PCCA: variants seen among roughly 807,000 people sequenced by gnomAD.
The protein encoded by PCCA is propionyl-CoA carboxylase subunit alpha, also known as propionyl-CoA carboxylase alpha chain, mitochondrial.
A neutral mutation model predicts 101.3 loss-of-function variants in PCCA; 74 were observed. The ratio of observed to expected loss-of-function variants is 0.73; its 90% CI spans 0.61 to 0.89. PCCA has a LOEUF of 0.89. Among genes scored for constraint, PCCA ranks in the 40% least tolerant of loss-of-function variants. The pLI, the probability that PCCA is intolerant of heterozygous loss-of-function variation, is 0.00. For missense variants in PCCA, 891 were observed against 907.0 expected (o/e 0.98, Z 0.23); for synonymous variants, 294 against 313.6 (o/e 0.94, Z 0.66).
In PCCA at chr13:100,273,227, A is replaced by T. The variant is rs200311920; in HGVS notation, c.946A>T (p.Met316Leu). 38 of 1,612,962 alleles carry T rather than the reference A, an allele frequency of 2.4e-5. No homozygotes were observed. The highest frequency in any genetic ancestry group is 3.1e-5 in the Non-Finnish European group (36 of 1,179,088). ...TTTGGATGCGGAGACTCGAAGAGCG[A>T]TGGGAGAACAAGCTGTAGCTCTTGC... is the stretch of plus-strand genomic sequence containing the variant. ...IFLDAETRRA[M>L]GEQAVALARA... is the part of the protein sequence containing the mutation. The change falls in exon 12 of 24, where the codon ATG becomes TTG. Residue 316 changes from methionine (M) to leucine (L), a missense_variant. Transcript: ENST00000376285.
chr13:100,493,933 G>A (rs913279931), intron 21 of PCCA, among the ~76,000 whole-genome samples: 1 of 152,202 alleles, frequency 6.6e-6, no homozygotes, highest in African/African-American at 2.4e-5. Flanking sequence ...GCTCACGCCT[G>A]TAATCTCAGC....
At chr13:100,181,484 G>C (rs1031787202) in intron 6 of PCCA, among the ~76,000 whole-genome samples, 1 of 152,150 alleles carries the variant, frequency 6.6e-6, no homozygotes, top group Non-Finnish European at 1.5e-5. Context: ...GTGTGGTAGG[G>C]TGCTCATGGC....
chr13:100,216,660 A>G (rs934693123), intron 7 of PCCA, among the ~76,000 whole-genome samples: 3 of 152,254 alleles, frequency 2.0e-5, no homozygotes, highest in African/African-American at 7.2e-5. Flanking sequence ...AGTCACATCT[A>G]TTAGAGGCAC....
intron 21 of PCCA, among the ~76,000 whole-genome samples, chr13:100,504,310 A>G (rs1467089771): frequency 3.3e-5 from 5 of 152,352 alleles, no homozygotes; most frequent in Admixed American, 2.6e-4. Flanking sequence ...ACAACGTTCC[A>G]AGTCGGGAGA....
chr13:100,343,857 A>C (rs1046665851), intron 18 of PCCA, among the ~76,000 whole-genome samples: 1 of 152,188 alleles, frequency 6.6e-6, no homozygotes, highest in African/African-American at 2.4e-5. Flanking sequence ...GACTGATCAC[A>C]TGAGGCCAGG....
chr13:100,429,549 TTATC>T (rs1394583497), intron 20 of PCCA, among the ~76,000 whole-genome samples: 1 of 151,964 alleles, frequency 6.6e-6, no homozygotes, highest in African/African-American at 2.4e-5. Flanking sequence ...ATATTACTAT[TTATC>T]ATTAACTTGT....
In PCCA at chr13:100,200,317, A is replaced by G. The variant is rs189685505; in HGVS notation, c.469-9015A>G. ...GATGGGGTTTCACCATGTTAGCTAG[A>G]ATGGTCTCGATTTCCTGACCTCGTG... On this transcript the variant is annotated intron_variant, in intron 6 of 23. Coordinates refer to ENST00000376285, the MANE Select transcript of PCCA (RefSeq NM_000282.4). Among the ~76,000 whole-genome samples the G allele has an allele frequency of 2.6e-5, 4 of 152,112 alleles. No individual in the cohort carries two copies. The East Asian group carries it at 7.7e-4, about 29-fold the overall frequency.
intron 21 of PCCA, among the ~76,000 whole-genome samples, chr13:100,501,650 G>C (rs2085678020): frequency 6.6e-6 from 1 of 152,104 alleles, no homozygotes; most frequent in African/African-American, 2.4e-5. Flanking sequence ...GAGGCGGGTG[G>C]CTCACGAGGT....
chr13:100,266,535 A>AGG, intron 10 of PCCA, among the ~76,000 whole-genome samples: 1 of 152,252 alleles, frequency 6.6e-6, no homozygotes, highest in Non-Finnish European at 1.5e-5. Flanking sequence ...ATTAATAAAA[A>AGG]GTAAGCATCC....
At chr13:100,099,499 C>T (rs1005695797) in intron 1 of PCCA, among the ~76,000 whole-genome samples, 6 of 151,606 alleles carry the variant, frequency 4.0e-5, no homozygotes, top group Non-Finnish European at 7.4e-5. Context: ...TTGTATTTTT[C>T]GTAGAGACAG....
At position 100,401,767 on chromosome 13, in the gene PCCA, G is replaced by A. The variant is rs2077378061; in HGVS notation, c.1747-23866G>A. 2.0e-5 allele frequency among the ~76,000 whole-genome samples: 3 copies of A among 152,106 alleles called. No homozygotes were observed. In the South Asian group the frequency reaches 6.2e-4, roughly 32 times the overall value. On this transcript the variant is annotated intron_variant, in intron 19 of 23. Transcript: ENST00000376285. ...TGTTTTTCAAGACTCCTGAAAAAGT[G>A]CCAATCTTATTCTCCTTTCAGTTTG... is the stretch of plus-strand genomic sequence containing the variant.
At chr13:100,243,517 A>G (rs576264404) in intron 8 of PCCA, among the ~76,000 whole-genome samples, 1 of 152,210 alleles carries the variant, frequency 6.6e-6, no homozygotes, top group South Asian at 2.1e-4. Context: ...AAACAAAATG[A>G]TCTAGGATTA....
At chr13:100,261,532 A>C (rs1221093123) in intron 9 of PCCA, among the ~76,000 whole-genome samples, 2 of 151,964 alleles carry the variant, frequency 1.3e-5, no homozygotes, top group African/African-American at 4.8e-5. Flanking sequence ...CAACCAGCTA[A>C]TTTTTGTATT....
At chr13:100,411,358 T>C (rs573673143) in intron 19 of PCCA, among the ~76,000 whole-genome samples, 6 of 152,152 alleles carry the variant, frequency 3.9e-5, no homozygotes, top group African/African-American at 1.4e-4. Flanking sequence ...CCCAAGTAGC[T>C]GGGATTGCAG....
At chr13:100,217,844 A>G (rs1428885145) in intron 7 of PCCA, among the ~76,000 whole-genome samples, 1 of 148,316 alleles carries the variant, frequency 6.7e-6, no homozygotes, top group Non-Finnish European at 1.5e-5. Flanking sequence ...TATACCACTT[A>G]AAAAAATCCA....
At chr13:100,157,741 A>T (rs2054020072) in intron 6 of PCCA, among the ~76,000 whole-genome samples, 1 of 152,162 alleles carries the variant, frequency 6.6e-6, no homozygotes, top group South Asian at 2.1e-4. Flanking sequence ...GTTTTTAATG[A>T]TCTAAATGTC....
At chr13:100,129,798 A>C (rs1416489954) in intron 4 of PCCA, among the ~76,000 whole-genome samples, 1 of 152,210 alleles carries the variant, frequency 6.6e-6, no homozygotes, top group East Asian at 1.9e-4. Context: ...GGTCTTCACC[A>C]GTGGCTCTGG....
chr13:100,251,886 T>G (rs556580170), intron 8 of PCCA, among the ~76,000 whole-genome samples: 1 of 152,324 alleles, frequency 6.6e-6, no homozygotes, highest in South Asian at 2.1e-4. Flanking sequence ...TTGTGGAATA[T>G]TCTATCAAAC....
At chr13:100,449,647 C>T (rs897051240) in intron 21 of PCCA, among the ~76,000 whole-genome samples, 3 of 152,158 alleles carry the variant, frequency 2.0e-5, no homozygotes, top group Non-Finnish European at 2.9e-5. Context: ...CCACCAAGCT[C>T]GGCTAATTTT....
Sources: gnomAD v4.1 joint callset for allele counts (sites outside exome capture counted in the v4.1 genomes callset) on GRCh38, gnomAD v4.1.1 for gene constraint, MANE v1.5 for transcripts, NCBI Gene and HGNC (gene_info 2026-07-23, HGNC 2026-07-21) for gene names.